The following CROCC variants were observed in gnomAD, a reference collection of about 807,000 sequenced individuals.
CROCC encodes the protein rootletin.
Under a neutral mutation model 245.2 loss-of-function variants are expected in CROCC, and 180 were observed. That is an observed-to-expected ratio of 0.73 (90% CI 0.65 to 0.83). CROCC has a LOEUF of 0.83. Among genes scored for constraint, CROCC ranks in the 40% least tolerant of loss-of-function variants. The pLI is 0.00. For missense variants in CROCC, 2,688 were observed against 2,779.4 expected, an observed-to-expected ratio of 0.97 and a Z score of 0.74; for synonymous variants, 1,205 against 1,241.6, an observed-to-expected ratio of 0.97 and a Z score of 0.62.
At chr1:16,918,989 G>A (rs374345209), upstream of CROCC, among the ~76,000 whole-genome samples, 712 of 152,226 alleles carry the variant, frequency 4.7e-3, no homozygotes, top group African/African-American at 0.016. Flanking sequence ...GACCTGCCTC[G>A]GCATCCCAGT....
chr1:16,930,246 C>T lies in CROCC; in HGVS notation c.621+39C>T, dbSNP rs779310710. 11 of 1,588,554 alleles carry T rather than the reference C, an allele frequency of 6.9e-6. No individual in the cohort carries two copies. In the South Asian group the frequency reaches 1.0e-4, roughly 15 times the overall value. ...TGGGGCAGGGGCAGGCCCTGCCCTC[C>T]ACCTGCCCAACCTGATGCTTTAACC... is the stretch of plus-strand genomic sequence containing the variant. On this transcript the variant is annotated intron_variant, in intron 5 of 36. Transcript: ENST00000375541.
rs1294847199 is a variant in CROCC, at chr1:16,958,703, C to T, written c.3985C>T (p.Gln1329Ter). Residue 1329 changes from glutamine to a stop codon, truncating the protein, a stop_gained, in exon 26 of 37, where the codon CAG (glutamine) becomes TAG (stop). Transcript: ENST00000375541. LOFTEE classifies it high-confidence loss of function. ...CAGGCGGGAGACCCTGGGCCTCCGGCAGAGGCTGCTGAAGGGCGAGGCCAG... is the reference window on the plus strand; with the variant it reads ...CAGGCGGGAGACCCTGGGCCTCCGGTAGAGGCTGCTGAAGGGCGAGGCCAG... ...ESRRETLGLR[Q>*]RLLKGEASLE... 5 of 1,561,006 alleles carry T rather than the reference C, an allele frequency of 3.2e-6. No individual in the cohort carries two copies. Among genetic ancestry groups the T allele is most frequent in the East Asian group, 2.4e-5 (1 of 42,192 alleles).
chr1:16,931,077 A>G (rs1000913203), intron 7 of CROCC, among the ~76,000 whole-genome samples: 28 of 152,286 alleles, frequency 1.8e-4, no homozygotes, highest in Non-Finnish European at 3.5e-4. Context: ...TGCAGCCAAA[A>G]GAGGACTTGA....
At chr1:16,964,882 T>C (rs758048993) in intron 27 of CROCC, among the ~76,000 whole-genome samples, 2 of 152,074 alleles carry the variant, frequency 1.3e-5, no homozygotes, top group African/African-American at 2.4e-5. Flanking sequence ...GGGGTTTCAC[T>C]AGTTGGCAGG....
rs766545448 is a variant in CROCC, at chr1:16,937,729, G to A, written c.1282G>A (p.Glu428Lys). 1.2e-6 allele frequency: 2 copies of A among 1,609,952 alleles called. No individual in the cohort carries two copies. Among genetic ancestry groups the A allele is most frequent in the East Asian group, 2.2e-5 (1 of 44,868 alleles). ...CAACAAGGACCTCACTGAGAAGCTT[G>A]AGGCCCTGGTGAGCTGCAGGTGCCC... ...QVNKDLTEKL[E>K]ALESLRLQEQ... The change falls in exon 10 of 37, where the codon GAG (glutamate) becomes AAG (lysine). Residue 428 changes from glutamate (E) to lysine (K), a missense_variant. Physicochemically the swap from Glu to Lys is moderately conservative, Grantham distance 56 (BLOSUM62 1). Around this residue, in one of 9 missense-constraint regions of CROCC, gnomAD observed 972 missense variants for 895.3 expected, o/e 1.09. Coordinates refer to ENST00000375541, the MANE Select transcript of CROCC (RefSeq NM_014675.5).
intron 1 of CROCC, among the ~76,000 whole-genome samples, chr1:16,914,565 C>G (rs1455208007): frequency 6.6e-6 from 1 of 152,270 alleles, no homozygotes; most frequent in Non-Finnish European, 1.5e-5. Context: ...GCAGCCCTGC[C>G]GAGTCGGAAG....
chr1:16,919,469 C>T (rs528888157), upstream of CROCC, among the ~76,000 whole-genome samples: 24 of 152,394 alleles, frequency 1.6e-4, no homozygotes, highest in Admixed American at 9.1e-4. Context: ...CACCCAGGGA[C>T]GGAGGGCTGA....
chr1:16,952,517 G>C (rs1379307748), intron 20 of CROCC, among the ~76,000 whole-genome samples: 1 of 151,166 alleles, frequency 6.6e-6, no homozygotes, highest in Non-Finnish European at 1.5e-5. Flanking sequence ...AGCTCTGTCT[G>C]CTTCTCACAG....
At position 16,971,446 on chromosome 1, in the gene CROCC, C is replaced by T; in HGVS notation, c.5785-19C>T. ...CACTCACACTGGGCCAGAACGCGGACCACAGCCCCTCCCTGCAGGCGCAGG... is the reference window on the plus strand; with the variant it reads ...CACTCACACTGGGCCAGAACGCGGATCACAGCCCCTCCCTGCAGGCGCAGG... On this transcript the variant is annotated intron_variant, in intron 35 of 36. Coordinates refer to ENST00000375541, the MANE Select transcript of CROCC (RefSeq NM_014675.5). 6.5e-7 allele frequency: 1 copy of T among 1,528,168 alleles called. No individual in the cohort carries two copies. The highest frequency in any genetic ancestry group is 8.8e-7 in the Non-Finnish European group (1 of 1,141,372). 94.7% of individuals were successfully genotyped at this position (1,528,168 alleles called of 1,614,324 possible). A position where few individuals can be genotyped will look rare whatever the true frequency, so the allele number is the denominator to read the frequency against.
rs757974639 is a variant in CROCC, at chr1:16,939,125, C to G, written c.1591C>G (p.Arg531Gly). The G allele has an allele frequency of 2.6e-6, 4 of 1,529,552 alleles. No individual in the cohort carries two copies. The highest frequency in any genetic ancestry group is 2.2e-5 in the Admixed American group (1 of 44,776). 94.7% of individuals were successfully genotyped at this position (1,529,552 alleles called of 1,614,324 possible). A position where few individuals can be genotyped will look rare whatever the true frequency, so the allele number is the denominator to read the frequency against. The change falls in exon 12 of 37, where the codon CGC (arginine) becomes GGC (glycine). Residue 531 changes from arginine (R) to glycine (G), a missense_variant. Arg to Gly is a moderately radical substitution (Grantham distance 125). Coordinates refer to ENST00000375541, the MANE Select transcript of CROCC (RefSeq NM_014675.5). Reference protein sequence around the residue: ...LALIHSALHKRQLQVQDMRGR... With the variant: ...LALIHSALHKGQLQVQDMRGR... ...CCTGATCCACTCCGCCCTGCACAAG[C>G]GCCAGCTGCAGGTCCAGGTAGGAAG...
chr1:16,915,560 A>G (rs1430009958), intron 1 of CROCC, among the ~76,000 whole-genome samples: 5 of 152,246 alleles, frequency 3.3e-5, no homozygotes, highest in African/African-American at 1.2e-4. Flanking sequence ...GGATCCCTTA[A>G]GCCCAGGAGG....
intron 25 of CROCC, among the ~76,000 whole-genome samples, chr1:16,958,272 A>G (rs942034777): frequency 2.0e-5 from 3 of 152,244 alleles, no homozygotes; most frequent in African/African-American, 7.2e-5. Flanking sequence ...GAGGGGAAAG[A>G]TAACCCAGGG....
chr1:16,951,182 G>A, intron 20 of CROCC, 60 bp downstream of exon 20: 2 of 1,377,726 alleles, frequency 1.5e-6, no homozygotes, highest in South Asian at 1.6e-5. Context: ...CATCGTTCTT[G>A]CTCTGCCTCG....
chr1:16,967,741 A>G (rs2076442523), intron 30 of CROCC, among the ~76,000 whole-genome samples: 1 of 152,108 alleles, frequency 6.6e-6, no homozygotes, highest in Non-Finnish European at 1.5e-5. Flanking sequence ...GGGAGGGGGA[A>G]TCACCACCTG....
chr1:16,948,317 TG>T lies in CROCC; in HGVS notation c.2515-11del. On this transcript the variant is annotated splice_polypyrimidine_tract_variant and intron_variant, in intron 17 of 36. Transcript: ENST00000375541. ...GACGCTGGGAGTGCTACTCAGTCTC[TG>T]GGTGGGGGCCAGCTCTCCCGGCAGC... 1 of 1,551,826 alleles carries T rather than the reference TG, an allele frequency of 6.4e-7. No individual in the cohort carries two copies. The highest frequency in any genetic ancestry group is 1.2e-5 in the South Asian group (1 of 82,528).
Position 16,961,096 on chromosome 1 carries a change from GC to G in CROCC, c.4374del (p.Gly1459ValfsTer22). 7.3e-7 allele frequency: 1 copy of G among 1,364,112 alleles called. No homozygotes were observed. Among genetic ancestry groups the G allele is most frequent in the South Asian group, 1.7e-5 (1 of 58,924 alleles). 84.5% of individuals were successfully genotyped at this position (1,364,112 alleles called of 1,614,324 possible). On this transcript the variant is annotated frameshift_variant, in exon 27 of 37. Transcript: ENST00000375541. LOFTEE classifies it high-confidence loss of function. ...CGCCCAGCCCAGCCCCGCGGCCAGTGCCCGGTTCCCCTGCCCGGGACGCACC... is the reference window on the plus strand; with the variant it reads ...CGCCCAGCCCAGCCCCGCGGCCAGTGCCGGTTCCCCTGCCCGGGACGCACC... ...RAPSPAPRPV[P>X]GSPARDAPAE...
intron 11 of CROCC, among the ~76,000 whole-genome samples, 158 bp from the exon 12 acceptor site, chr1:16,938,751 A>G (rs1352480359): frequency 6.6e-6 from 1 of 152,290 alleles, no homozygotes; most frequent in East Asian, 1.9e-4. Context: ...CGGCGAGCCG[A>G]GGACTGAGCT....
chr1:16,939,962 C>T lies in CROCC; in HGVS notation c.1677C>T (p.Ser559=), dbSNP rs1413670449. ...CCCTGCGGAAGCAGCTTAGCGACAG[C>T]GAGAGCGAGCGGCGGGCCCTAGAGG... is the stretch of plus-strand genomic sequence containing the variant. ...LGTLRKQLSD[S]ESERRALEEQ... is the part of the protein sequence containing the mutation. Residue 559 remains serine (S), a synonymous_variant, in exon 13 of 37, where the codon AGC becomes AGT. Coordinates refer to ENST00000375541, the MANE Select transcript of CROCC (RefSeq NM_014675.5). 10 of 1,612,630 alleles carry T rather than the reference C, an allele frequency of 6.2e-6. No homozygotes were observed. The highest frequency in any genetic ancestry group is 2.2e-5 in the East Asian group (1 of 44,904).
intron 26 of CROCC, among the ~76,000 whole-genome samples, chr1:16,959,897 A>AC (rs1414072679): frequency 1.4e-5 from 2 of 143,222 alleles, no homozygotes; most frequent in African/African-American, 5.2e-5. Context: ...CCTTTCCCCC[A>AC]CCCCCCAGGG....
Sources: allele counts gnomAD v4.1 joint callset (sites outside exome capture counted in the v4.1 genomes callset), GRCh38; gene constraint gnomAD v4.1.1; regional missense constraint gnomAD v4.1.1; transcripts MANE v1.5; gene names NCBI Gene and HGNC (gene_info 2026-07-23, HGNC 2026-07-21).